The following TENM2 variants were observed in gnomAD, a reference collection of about 807,000 sequenced individuals.
TENM2 encodes teneurin transmembrane protein 2.
In TENM2, 52 loss-of-function variants were observed where a neutral mutation model predicts 245.2. The observed-to-expected ratio is 0.21, with a 90% CI of 0.17 to 0.27. The LOEUF is 0.27. Among genes scored for constraint, TENM2 ranks in the 10% least tolerant of loss-of-function variants. The pLI is 1.00. For missense variants in TENM2, 3,046 were observed against 3,666.8 expected (o/e 0.83, Z 4.37); for synonymous variants, 1,363 against 1,438.9 (o/e 0.95, Z 1.19).
chr5:167,065,676 A>T, the TENM2 span, among the ~76,000 whole-genome samples: 1 of 152,242 alleles, frequency 6.6e-6, no homozygotes, highest in Non-Finnish European at 1.5e-5. Flanking sequence ...CTTAATGCAA[A>T]GATAGGAATC....
At chr5:167,335,077 A>G (rs976229699) in intron 1 of TENM2, among the ~76,000 whole-genome samples, 2 of 152,198 alleles carry the variant, frequency 1.3e-5, no homozygotes, top group African/African-American at 2.4e-5. Context: ...AGGAAAAGAA[A>G]AGAAAAGATG....
At chr5:167,045,018 A>G in the TENM2 span, among the ~76,000 whole-genome samples, 1 of 152,122 alleles carries the variant, frequency 6.6e-6, no homozygotes, top group African/African-American at 2.4e-5. Flanking sequence ...GGAAGAGAAC[A>G]CTAGAATGGA....
intron 1 of TENM2, among the ~76,000 whole-genome samples, chr5:167,290,960 G>A (rs1291233107): frequency 2.0e-5 from 3 of 152,082 alleles, no homozygotes; most frequent in African/African-American, 4.8e-5. Context: ...CAATAATTTG[G>A]AGTCTATGTC....
At chr5:168,117,312 A>T (rs77806782) in intron 9 of TENM2, among the ~76,000 whole-genome samples, 9 of 152,094 alleles carry the variant, frequency 5.9e-5, no homozygotes, top group African/African-American at 1.9e-4. Flanking sequence ...TTTAATCGTT[A>T]TGCTTTATTA....
At chr5:168,067,098 G>T (rs1755491197) in intron 7 of TENM2, among the ~76,000 whole-genome samples, 1 of 152,198 alleles carries the variant, frequency 6.6e-6, no homozygotes, top group Non-Finnish European at 1.5e-5. Flanking sequence ...TGGGAGCCCT[G>T]CTGGGACTTC....
At chr5:167,333,712 G>C (rs1163467013) in intron 1 of TENM2, among the ~76,000 whole-genome samples, 2 of 152,150 alleles carry the variant, frequency 1.3e-5, no homozygotes, top group Non-Finnish European at 2.9e-5. Context: ...CAGGGGGAAG[G>C]ATGGGGATCA....
At chr5:167,288,571 A>G (rs1034071786) in intron 1 of TENM2, among the ~76,000 whole-genome samples, 2 of 151,678 alleles carry the variant, frequency 1.3e-5, no homozygotes, top group African/African-American at 4.8e-5. Context: ...AAAAAAAAAA[A>G]AAAGAAAAAG....
At chr5:167,099,338 TCTCA>T in the TENM2 span, among the ~76,000 whole-genome samples, 14 of 152,312 alleles carry the variant, frequency 9.2e-5, no homozygotes, top group Non-Finnish European at 1.9e-4. Flanking sequence ...TAGTAATAAT[TCTCA>T]CTGTTTGGCT....
chr5:167,993,327 G>T, intron 5 of TENM2, 145 bp downstream of exon 7: 1 of 648,322 alleles, frequency 1.5e-6, no homozygotes, highest in Non-Finnish European at 2.6e-6. Flanking sequence ...GATGGATGGA[G>T]GTGATTTTTT....
chr5:167,698,285 CT>C (rs1469500602), intron 2 of TENM2, among the ~76,000 whole-genome samples: 1 of 152,154 alleles, frequency 6.6e-6, no homozygotes, highest in Middle Eastern at 3.2e-3. Flanking sequence ...AGATCACCTT[CT>C]CATTTTTCTC....
At chr5:167,056,599 A>ATATATC in the TENM2 span, among the ~76,000 whole-genome samples, 2 of 146,542 alleles carry the variant, frequency 1.4e-5, no homozygotes, top group African/African-American at 5.0e-5. Context: ...CTATATAAAT[A>ATATATC]TATATCTATA....
intron 2 of TENM2, among the ~76,000 whole-genome samples, chr5:167,565,739 G>A (rs2127649967): frequency 6.6e-6 from 1 of 152,294 alleles, no homozygotes; most frequent in Non-Finnish European, 1.5e-5. Flanking sequence ...TATGTGCTGA[G>A]ATCAGGGATT....
chr5:167,465,675 A>G (rs1766599421), intron 2 of TENM2, among the ~76,000 whole-genome samples: 1 of 152,098 alleles, frequency 6.6e-6, no homozygotes, highest in Admixed American at 6.5e-5. Flanking sequence ...TAATAATACA[A>G]AAAAAATTAG....
At chr5:168,079,790 A>G (rs1791815494) in intron 7 of TENM2, among the ~76,000 whole-genome samples, 1 of 152,212 alleles carries the variant, frequency 6.6e-6, no homozygotes, top group African/African-American at 2.4e-5. Context: ...CCACTTGATC[A>G]TAGTGGATAA....
intron 2 of TENM2, among the ~76,000 whole-genome samples, chr5:167,552,368 G>A (rs552495505): frequency 1.3e-5 from 2 of 152,200 alleles, no homozygotes; most frequent in South Asian, 4.2e-4. Flanking sequence ...TTAATTTTGA[G>A]AACGATAATT....
At chr5:167,592,859 C>G (rs1262399737) in intron 2 of TENM2, among the ~76,000 whole-genome samples, 2 of 152,008 alleles carry the variant, frequency 1.3e-5, no homozygotes, top group Non-Finnish European at 2.9e-5. Context: ...TTATACACAT[C>G]ATATCCAATG....
At chr5:167,960,930 C>A (rs914299178) in intron 4 of TENM2, among the ~76,000 whole-genome samples, 2 of 152,238 alleles carry the variant, frequency 1.3e-5, no homozygotes, top group Non-Finnish European at 1.5e-5. Context: ...CAGTCCCTCA[C>A]AGCTTCCCTT....
At chr5:167,491,051 TATG>T (rs1768401228) in intron 2 of TENM2, among the ~76,000 whole-genome samples, 1 of 152,174 alleles carries the variant, frequency 6.6e-6, no homozygotes, top group Admixed American at 6.5e-5. Context: ...AGGAATAAGC[TATG>T]ATGATTGGCC....
the TENM2 span, among the ~76,000 whole-genome samples, chr5:167,257,188 T>TA: frequency 6.6e-6 from 1 of 152,036 alleles, no homozygotes; most frequent in Non-Finnish European, 1.5e-5. Context: ...ATAGAATATG[T>TA]AAAAAAGAGA....
Sources: allele counts gnomAD v4.1 joint callset (sites outside exome capture counted in the v4.1 genomes callset), GRCh38; gene constraint gnomAD v4.1.1; transcripts MANE v1.5; gene names NCBI Gene and HGNC (gene_info 2026-07-23, HGNC 2026-07-21).